CACNB2: variants seen among roughly 807,000 people sequenced by gnomAD.
CACNB2 encodes voltage-dependent L-type calcium channel subunit beta-2.
In CACNB2, 42 loss-of-function variants were observed where a neutral mutation model predicts 73.3. The observed-to-expected ratio is 0.57, with a 90% CI of 0.45 to 0.74. The LOEUF is 0.74. Ranked by LOEUF, CACNB2 falls within the 30% of genes least tolerant of loss-of-function variation. The pLI, the probability that CACNB2 is intolerant of heterozygous loss-of-function variation, is 0.00. For missense variants in CACNB2, 940 were observed against 853.0 expected, an observed-to-expected ratio of 1.10 and a Z score of -1.27; for synonymous variants, 348 against 310.3, an observed-to-expected ratio of 1.12 and a Z score of -1.28.
intron 2 of CACNB2, among the ~76,000 whole-genome samples, chr10:18,215,450 A>G (rs775410131): frequency 1.3e-5 from 2 of 152,212 alleles, no homozygotes; most frequent in Non-Finnish European, 2.9e-5. Context: ...GAGGATTTGC[A>G]AAGAATTTTA....
At chr10:18,374,007 A>G (rs1589170206) in intron 2 of CACNB2, among the ~76,000 whole-genome samples, 1 of 152,242 alleles carries the variant, frequency 6.6e-6, no homozygotes, top group African/African-American at 2.4e-5. Context: ...ACACTCCCAT[A>G]TTGCATTGTA....
chr10:18,525,045 A>C (rs894544772), intron 9 of CACNB2, among the ~76,000 whole-genome samples: 2 of 151,302 alleles, frequency 1.3e-5, no homozygotes, highest in African/African-American at 4.9e-5. Flanking sequence ...AAAAAAAAAA[A>C]AAAACACATT....
chr10:18,281,926 G>C (rs933943819), intron 2 of CACNB2, among the ~76,000 whole-genome samples: 6 of 145,960 alleles, frequency 4.1e-5, no homozygotes, highest in African/African-American at 1.5e-4. Flanking sequence ...GTTGCAGTGA[G>C]CCGAGATGGT....
At chr10:18,315,380 G>T (rs1379080412) in intron 2 of CACNB2, among the ~76,000 whole-genome samples, 2 of 150,446 alleles carry the variant, frequency 1.3e-5, no homozygotes, top group Non-Finnish European at 3.0e-5. Flanking sequence ...AAAACAGTGG[G>T]CCAGTCACTG....
In CACNB2 at chr10:18,538,286, GCCTCCCCAACCCTCT is replaced by G; in HGVS notation, c.1413_1427del (p.Pro472_Leu476del). On this transcript the variant is annotated inframe_deletion, in exon 13 of 14. Transcript: ENST00000324631. ...AAGGCCACCCATCCTCCCAGCAGTA[GCCTCCCCAACCCTCT>G]CCTTAGCCGTACATTAGCCACTTCA... The G allele has an allele frequency of 6.2e-7, 1 of 1,614,150 alleles. No individual in the cohort carries two copies. Among genetic ancestry groups the G allele is most frequent in the Non-Finnish European group, 8.5e-7 (1 of 1,179,984 alleles).
chr10:18,142,736 T>C (rs2030549802), intron 1 of CACNB2, among the ~76,000 whole-genome samples: 1 of 152,232 alleles, frequency 6.6e-6, no homozygotes, highest in African/African-American at 2.4e-5. Context: ...TAAATGTAAG[T>C]CAAGTTATTG....
At chr10:18,465,440 A>C (rs564181663) in intron 3 of CACNB2, among the ~76,000 whole-genome samples, 46 of 152,304 alleles carry the variant, frequency 3.0e-4, no homozygotes, top group African/African-American at 1.0e-3. Flanking sequence ...ATCACCTGGG[A>C]AAAAATGTAC....
intron 3 of CACNB2, among the ~76,000 whole-genome samples, chr10:18,448,415 C>T (rs12221045): frequency 0.6 from 86,751 of 145,636 alleles, 27,140 homozygotes; most frequent in South Asian, 0.73. Flanking sequence ...GCGGAGGTTG[C>T]GGTGAGCTGA....
At position 18,498,437 on chromosome 10, in the gene CACNB2, C is replaced by T; in HGVS notation, c.416C>T (p.Ala139Val). ...HEDDVPVPGM[A>V]ISFEAKDFLH... is the part of the protein sequence containing the mutation. ...GATGATGTTCCAGTGCCTGGCATGG[C>T]CATCTCATTCGAAGCAAAAGATTTT... Residue 139 changes from alanine to valine, a missense_variant, in exon 4 of 14, where the codon GCC (alanine) becomes GTC (valine). Ala to Val is a moderately conservative substitution (Grantham distance 64, BLOSUM62 0). Transcript: ENST00000324631. 1.2e-6 allele frequency: 2 copies of T among 1,613,944 alleles called. No homozygotes were observed. The highest frequency in any genetic ancestry group is 1.7e-6 in the Non-Finnish European group (2 of 1,179,854).
chr10:18,331,143 G>A (rs2040787731), intron 2 of CACNB2, among the ~76,000 whole-genome samples: 1 of 152,030 alleles, frequency 6.6e-6, no homozygotes, highest in Admixed American at 6.6e-5. Flanking sequence ...GCGCCACCAT[G>A]CCCAGCTAAT....
At chr10:18,423,532 A>G (rs2132742277) in intron 3 of CACNB2, among the ~76,000 whole-genome samples, 1 of 152,350 alleles carries the variant, frequency 6.6e-6, no homozygotes, top group South Asian at 2.1e-4. Context: ...GTTCTGTTAC[A>G]TAAAGATGAA....
chr10:18,212,289 T>C (rs1008398330), intron 2 of CACNB2, among the ~76,000 whole-genome samples: 3 of 152,352 alleles, frequency 2.0e-5, no homozygotes, highest in South Asian at 4.1e-4. Flanking sequence ...GGAAATATTT[T>C]ACTTTCACCA....
chr10:18,363,921 C>T (rs561270863), intron 2 of CACNB2, among the ~76,000 whole-genome samples: 7 of 150,116 alleles, frequency 4.7e-5, no homozygotes, highest in African/African-American at 9.8e-5. Context: ...AATGCTGTTG[C>T]GAATAGTAGG....
intron 2 of CACNB2, among the ~76,000 whole-genome samples, chr10:18,338,971 C>T (rs997294912): frequency 6.6e-6 from 1 of 151,924 alleles, no homozygotes; most frequent in South Asian, 2.1e-4. Context: ...AACTCCTGGG[C>T]TCAAATGATC....
At chr10:18,169,313 A>G (rs1033073186) in intron 2 of CACNB2, among the ~76,000 whole-genome samples, 9 of 152,162 alleles carry the variant, frequency 5.9e-5, no homozygotes, top group Non-Finnish European at 1.2e-4. Context: ...GAAAGAATTT[A>G]CATGTTTACC....
chr10:18,408,475 G>A (rs1236240756), intron 3 of CACNB2, among the ~76,000 whole-genome samples: 2 of 152,016 alleles, frequency 1.3e-5, no homozygotes, highest in South Asian at 2.1e-4. Flanking sequence ...CTGACCTCAA[G>A]TGATCTGCCC....
At chr10:18,456,290 C>G (rs1290350476) in intron 3 of CACNB2, among the ~76,000 whole-genome samples, 1 of 152,036 alleles carries the variant, frequency 6.6e-6, no homozygotes, top group African/African-American at 2.4e-5. Context: ...GACCAAAACC[C>G]CGCCTCTACT....
At chr10:18,231,563 G>T (rs551887553) in intron 2 of CACNB2, among the ~76,000 whole-genome samples, 1 of 152,290 alleles carries the variant, frequency 6.6e-6, no homozygotes, top group African/African-American at 2.4e-5. Flanking sequence ...TAGAGAATGT[G>T]GCTTATTGTT....
At chr10:18,167,021 C>A (rs1474733605) in intron 2 of CACNB2, among the ~76,000 whole-genome samples, 2 of 152,178 alleles carry the variant, frequency 1.3e-5, no homozygotes, top group Non-Finnish European at 2.9e-5. Context: ...ACTGGAAATC[C>A]TGGAAAGCCC....
Sources: gnomAD v4.1 joint callset for allele counts (sites outside exome capture counted in the v4.1 genomes callset) on GRCh38, gnomAD v4.1.1 for gene constraint, MANE v1.5 for transcripts, NCBI Gene and HGNC (gene_info 2026-07-23, HGNC 2026-07-21) for gene names.